CPEB4: variants seen among roughly 807,000 people sequenced by gnomAD.
CPEB4 encodes the protein cytoplasmic polyadenylation element-binding protein 4.
In CPEB4, 12 loss-of-function variants were observed where a neutral mutation model predicts 72.5. The observed-to-expected ratio is 0.17, with a 90% CI of 0.11 to 0.27. The LOEUF (loss-of-function observed/expected upper bound fraction) is 0.27. Among genes scored for constraint, CPEB4 ranks in the 10% least tolerant of loss-of-function variants. The pLI is 1.00. For missense variants in CPEB4, 614 were observed against 908.5 expected (o/e 0.68, Z 4.17); for synonymous variants, 302 against 326.3 (o/e 0.93, Z 0.80).
chr5:173,922,541 A>G (rs1230214518), intron 2 of CPEB4, among the ~76,000 whole-genome samples: 1 of 152,186 alleles, frequency 6.6e-6, no homozygotes. Flanking sequence ...AAGATTTCTT[A>G]ATTTCAATTT....
Position 173,944,474 on chromosome 5 carries a change from CAAAAA to C in CPEB4, c.1283-477_1283-473del, listed in dbSNP as rs5873401. ...TGGGTAAAAGAGCGAGACACTGTCT[CAAAAA>C]AAAAAAAAAAAAAAATTGACTTGTT... On this transcript the variant is annotated intron_variant, in intron 4 of 9. Transcript: ENST00000265085. Among the ~76,000 whole-genome samples the C allele has an allele frequency of 5.1e-5, 6 of 118,526 alleles. No individual in the cohort carries two copies. In the East Asian group the frequency reaches 1.2e-3, roughly 23 times the overall value. 77.8% of individuals were successfully genotyped at this position (118,526 alleles called of 152,430 possible). A position where few individuals can be genotyped will look rare whatever the true frequency, so the allele number is the denominator to read the frequency against.
At chr5:173,927,776 A>G (rs932636416) in intron 2 of CPEB4, among the ~76,000 whole-genome samples, 16 of 145,588 alleles carry the variant, frequency 1.1e-4, no homozygotes, top group Middle Eastern at 3.6e-3. Context: ...GACTCCATCT[A>G]AAAAAAAAAA....
rs894949497 is a variant in CPEB4, at chr5:173,945,009, A to T, written c.1325A>T (p.Asp442Val). The change falls in exon 5 of 10, where the codon GAT becomes GTT. Residue 442 changes from aspartate (D) to valine (V), a missense_variant. Physicochemically the swap from Asp to Val is radical, Grantham distance 152. This residue lies in a region of CPEB4 where 458 missense variants were observed against 548.6 expected (regional missense o/e 0.83). Transcript: ENST00000265085. ...LFPMEDGFLD[D>V]GRGDQPLHSG... ...CCAATGGAAGATGGATTCTTGGATG[A>T]TGGCCGTGGGGATCAGCCTCTTCAT... 3 of 1,613,678 alleles carry T rather than the reference A, an allele frequency of 1.9e-6. No homozygotes were observed. The African/African-American group carries it at 4.0e-5, about 22-fold the overall frequency.
Position 173,900,707 on chromosome 5 carries a change from T to C in CPEB4, c.1126-9816T>C, listed in dbSNP as rs1756201371. ...AAAATAGCACAGAATCACTGACTTATTCAGATACAACCGATATCTAATTTA... is the reference window on the plus strand; with the variant it reads ...AAAATAGCACAGAATCACTGACTTACTCAGATACAACCGATATCTAATTTA... On this transcript the variant is annotated intron_variant, in intron 1 of 9. Transcript: ENST00000265085. The surrounding 1 kb of genome is among the most constrained non-coding windows in gnomAD (Gnocchi z 4.4). Among the ~76,000 whole-genome samples, 1 of 152,220 alleles carries C rather than the reference T, an allele frequency of 6.6e-6. No homozygotes were observed. Among genetic ancestry groups the C allele is most frequent in the South Asian group, 2.1e-4 (1 of 4,832 alleles).
chr5:173,952,936 A>G (rs1388636891), intron 8 of CPEB4, among the ~76,000 whole-genome samples, 155 bp from the exon 9 acceptor site: 1 of 152,254 alleles, frequency 6.6e-6, no homozygotes, highest in African/African-American at 2.4e-5. Flanking sequence ...TTAAGGCTTA[A>G]CACAATGGAT....
At chr5:173,927,866 A>G (rs886158350) in intron 2 of CPEB4, among the ~76,000 whole-genome samples, 1 of 152,252 alleles carries the variant, frequency 6.6e-6, no homozygotes, top group Non-Finnish European at 1.5e-5. Context: ...TGACGGCTTT[A>G]TTCATAATTG....
chr5:173,955,395 A>G lies in CPEB4; in HGVS notation c.1963-515A>G, dbSNP rs1362698070. Among the ~76,000 whole-genome samples the G allele has an allele frequency of 6.6e-6, 1 of 151,594 alleles. No homozygotes were observed. The highest frequency in any genetic ancestry group is 1.5e-5 in the Non-Finnish European group (1 of 67,982). On this transcript the variant is annotated intron_variant, in intron 9 of 9. Transcript: ENST00000265085. This position sits in a 1 kb window ranked among gnomAD's most constrained non-coding sequence, Gnocchi z 4.7. Reference sequence around the variant, plus strand: ...TGTGATTATAACCCAACATGTGTACACTATAAATAGAAACCACGAGCCAGG... The same window carrying G: ...TGTGATTATAACCCAACATGTGTACGCTATAAATAGAAACCACGAGCCAGG...
chr5:173,930,261 G>A (rs1041487742), intron 2 of CPEB4, among the ~76,000 whole-genome samples: 4 of 152,116 alleles, frequency 2.6e-5, no homozygotes, highest in African/African-American at 9.7e-5. Context: ...TCACCACATT[G>A]ACCAAGCTGG....
intron 1 of CPEB4, among the ~76,000 whole-genome samples, chr5:173,907,192 GGGAGGC>G (rs879366953): frequency 2.0e-5 from 3 of 152,244 alleles, no homozygotes; most frequent in Non-Finnish European, 2.9e-5. Context: ...GCTTGAACCC[GGGAGGC>G]GGAGGTTGCA....
intron 1 of CPEB4, among the ~76,000 whole-genome samples, chr5:173,899,994 G>A (rs1317400696): frequency 6.6e-6 from 1 of 152,188 alleles, no homozygotes; most frequent in South Asian, 2.1e-4. Flanking sequence ...GGGGTCGGGG[G>A]GTGTTGTGAG....
intron 3 of CPEB4, among the ~76,000 whole-genome samples, chr5:173,938,854 A>G (rs941110745): frequency 2.0e-5 from 3 of 152,266 alleles, no homozygotes; most frequent in Non-Finnish European, 2.9e-5. Context: ...AAAAGGGTTC[A>G]TTAACAAATA....
In CPEB4 at chr5:173,888,576, C is replaced by T. The variant is rs1415810993; in HGVS notation, c.-1158C>T. On this transcript the variant is annotated 5_prime_UTR_variant, in exon 1 of 10. Coordinates refer to ENST00000265085, the MANE Select transcript of CPEB4 (RefSeq NM_030627.4). This position sits in a 1 kb window ranked among gnomAD's most constrained non-coding sequence, Gnocchi z 4.3. ...ACGGCCCAGCAACCGTGAGGAGAAA[C>T]AAAAGCCTTCTAAATTATAGTTTAA... 2.5e-6 allele frequency: 1 copy of T among 402,220 alleles called. No homozygotes were observed. The highest frequency in any genetic ancestry group is 4.4e-6 in the Non-Finnish European group (1 of 228,550). The allele number at this position is 402,220 out of a possible 1,614,324, so 24.9% of individuals were successfully genotyped here. A position where few individuals can be genotyped will look rare whatever the true frequency, so the allele number is the denominator to read the frequency against.
chr5:173,901,582 C>T (rs1488610025), intron 1 of CPEB4, among the ~76,000 whole-genome samples: 1 of 152,170 alleles, frequency 6.6e-6, no homozygotes, highest in Non-Finnish European at 1.5e-5. Flanking sequence ...TAGGCCCAAA[C>T]AAAACTTCAC....
rs779016133 is a variant in CPEB4 at position 173,889,699 on chromosome 5, T to A, written c.-35T>A. On this transcript the variant is annotated 5_prime_UTR_variant, in exon 1 of 10. Transcript: ENST00000265085. The stretch of plus-strand genomic sequence containing the variant: ...AAGGCGTGAGACATCAGGTTGTCAT[T>A]TTTTATTGTGAGATTCTGCTCCTAA... The A allele has an allele frequency of 3.3e-6, 5 of 1,521,852 alleles. No homozygotes were observed. In the South Asian group the frequency reaches 6.5e-5, roughly 20 times the overall value. The allele number at this position is 1,521,852 out of a possible 1,614,324, so 94.3% of individuals were successfully genotyped here. A position where few individuals can be genotyped will look rare whatever the true frequency, so the allele number is the denominator to read the frequency against.
At chr5:173,932,580 T>C in intron 3 of CPEB4, 80 bp downstream of exon 3, 1 of 1,061,162 alleles carries the variant, frequency 9.4e-7, no homozygotes, top group East Asian at 2.5e-5. Context: ...GAAATGACAT[T>C]AGTTTGTTCT....
Position 173,956,219 on chromosome 5 carries a change from C to T in CPEB4, c.*82C>T, listed in dbSNP as rs1050432776. 61 of 1,042,114 alleles carry T rather than the reference C, an allele frequency of 5.9e-5. No homozygotes were observed. The Admixed American group carries it at 6.9e-4, about 12-fold the overall frequency. 64.6% of individuals were successfully genotyped at this position (1,042,114 alleles called of 1,614,324 possible). A position where few individuals can be genotyped will look rare whatever the true frequency, so the allele number is the denominator to read the frequency against. ...TCTGACCCCTTCCTCAACCTCTTCA[C>T]GCTGGCATGTCCTTTTGTAGCAGTC... is the stretch of plus-strand genomic sequence containing the variant. On this transcript the variant is annotated 3_prime_UTR_variant, in exon 10 of 10. Transcript: ENST00000265085.
Position 173,899,389 on chromosome 5 carries a change from A to G in CPEB4, c.1125+8531A>G, listed in dbSNP as rs1415594886. Reference sequence around the variant, plus strand: ...AGAGAAAACATTAAAATTTTTTTCAAGTTGTTTTTTTAAAGAAGGGTAGTG... The same window carrying G: ...AGAGAAAACATTAAAATTTTTTTCAGGTTGTTTTTTTAAAGAAGGGTAGTG... On this transcript the variant is annotated intron_variant, in intron 1 of 9. Transcript: ENST00000265085. Among the ~76,000 whole-genome samples the G allele has an allele frequency of 2.0e-5, 3 of 152,090 alleles. No homozygotes were observed. In the East Asian group the frequency reaches 5.8e-4, roughly 29 times the overall value.
At chr5:173,932,314 G>A (rs1581148852) in intron 2 of CPEB4, 136 bp from the exon 3 acceptor site, 1 of 535,396 alleles carries the variant, frequency 1.9e-6, no homozygotes, top group Non-Finnish European at 3.3e-6. Flanking sequence ...GAATATTGAT[G>A]AACATGCTGA....
At position 173,955,892 on chromosome 5, in the gene CPEB4, T is replaced by C; in HGVS notation, c.1963-18T>C. ...GGCCTAGTCACTGAAAAATGTAAACTCTTATTTTTGATTGCAGGTGGAAGT... is the reference window on the plus strand; with the variant it reads ...GGCCTAGTCACTGAAAAATGTAAACCCTTATTTTTGATTGCAGGTGGAAGT... On this transcript the variant is annotated intron_variant, in intron 9 of 9. Coordinates refer to ENST00000265085, the MANE Select transcript of CPEB4 (RefSeq NM_030627.4). This position sits in a 1 kb window ranked among gnomAD's most constrained non-coding sequence, Gnocchi z 4.7. 1 of 1,599,438 alleles carries C rather than the reference T, an allele frequency of 6.3e-7. No individual in the cohort carries two copies. Among genetic ancestry groups the C allele is most frequent in the Non-Finnish European group, 8.6e-7 (1 of 1,168,688 alleles).
Sources: allele counts gnomAD v4.1 joint callset (sites outside exome capture counted in the v4.1 genomes callset), GRCh38; gene constraint gnomAD v4.1.1; regional missense constraint gnomAD v4.1.1; non-coding constraint Gnocchi (gnomAD v3.1); transcripts MANE v1.5; gene names NCBI Gene and HGNC (gene_info 2026-07-23, HGNC 2026-07-21).